The following MYO18B variants were observed in gnomAD, a reference collection of about 807,000 sequenced individuals.
The protein encoded by MYO18B is unconventional myosin-XVIIIb.
In MYO18B, 204 loss-of-function variants were observed where a neutral mutation model predicts 273.0. The observed-to-expected ratio is 0.75, with a 90% CI of 0.67 to 0.84. The LOEUF (loss-of-function observed/expected upper bound fraction) is 0.84. Ranked by LOEUF, MYO18B falls within the 40% of genes least tolerant of loss-of-function variation. The pLI, the probability that MYO18B is intolerant of heterozygous loss-of-function variation, is 0.00. For synonymous variants in MYO18B, 1,330 were observed against 1,305.7 expected (o/e 1.02, Z -0.40); for missense variants, 3,212 against 3,287.6 (o/e 0.98, Z 0.56).
intron 21 of MYO18B, among the ~76,000 whole-genome samples, chr22:25,857,690 G>T (rs981138859): frequency 2.0e-5 from 3 of 152,220 alleles, no homozygotes; most frequent in African/African-American, 7.2e-5. Context: ...GTCTCGCTCT[G>T]TTGCCCAGGC....
intron 42 of MYO18B, among the ~76,000 whole-genome samples, chr22:26,009,145 T>A (rs767300102): frequency 1.3e-5 from 2 of 152,220 alleles, no homozygotes; most frequent in Non-Finnish European, 1.5e-5. Context: ...CCACTTCTGT[T>A]TCATTCAAAG....
chr22:25,781,394 G>A (rs35396609), intron 9 of MYO18B, among the ~76,000 whole-genome samples: 11 of 152,076 alleles, frequency 7.2e-5, no homozygotes, highest in African/African-American at 2.7e-4. Context: ...TGGATCATGA[G>A]GTCAGGAGAT....
intron 39 of MYO18B, among the ~76,000 whole-genome samples, chr22:25,955,617 A>G (rs1000095141): frequency 6.6e-6 from 1 of 152,196 alleles, no homozygotes. Context: ...GTTCATTTAC[A>G]TATCAGATCC....
intron 12 of MYO18B, among the ~76,000 whole-genome samples, chr22:25,817,296 TTCTCTC>T (rs763196966): frequency 3.3e-5 from 5 of 151,642 alleles, no homozygotes; most frequent in African/African-American, 1.2e-4. Flanking sequence ...TTCTGTCTCT[TTCTCTC>T]TCTTTCTTTC....
the MYO18B span, among the ~76,000 whole-genome samples, chr22:26,041,368 A>C: frequency 2.7e-3 from 406 of 150,410 alleles, 17 homozygotes; most frequent in East Asian, 0.069. Flanking sequence ...AAAAAAAAAA[A>C]AAAACAAAAC....
chr22:26,048,666 A>G, the MYO18B span, among the ~76,000 whole-genome samples: 1 of 152,184 alleles, frequency 6.6e-6, no homozygotes, highest in Non-Finnish European at 1.5e-5. Context: ...TTGATGCTCA[A>G]GGAGTATTTG....
rs1245710741 is a variant in MYO18B at position 25,777,438 on chromosome 22, G to A, written c.1870-145G>A. The A allele has an allele frequency of 1.5e-5, 11 of 757,518 alleles. No individual in the cohort carries two copies. In the East Asian group the frequency reaches 1.5e-4, roughly 11 times the overall value. 46.9% of individuals were successfully genotyped at this position (757,518 alleles called of 1,614,324 possible). ...CATACAGGCTTGGCTCCTCCTAGTC[G>A]AGTAGGAAGGGAGTCAGGGATCTGG... is the stretch of plus-strand genomic sequence containing the variant. On this transcript the variant is annotated intron_variant, in intron 7 of 43. Coordinates refer to ENST00000335473, the MANE Select transcript of MYO18B (RefSeq NM_032608.7).
At chr22:26,029,055 G>A (rs1055598291) in intron 43 of MYO18B, among the ~76,000 whole-genome samples, 1 of 152,172 alleles carries the variant, frequency 6.6e-6, no homozygotes, top group African/African-American at 2.4e-5. Flanking sequence ...AAAGTCACTT[G>A]TACAGAATCA....
At chr22:25,818,839 C>T (rs539374075) in intron 12 of MYO18B, among the ~76,000 whole-genome samples, 1 of 152,234 alleles carries the variant, frequency 6.6e-6, no homozygotes, top group South Asian at 2.1e-4. Context: ...ATCTCATCTC[C>T]TTCTTGCAAC....
At chr22:25,980,053 AAG>A (rs1363813695) in intron 39 of MYO18B, among the ~76,000 whole-genome samples, 2 of 152,264 alleles carry the variant, frequency 1.3e-5, no homozygotes, top group Non-Finnish European at 2.9e-5. Flanking sequence ...TGCACTTGAT[AAG>A]AGAGAGAGGA....
intron 40 of MYO18B, among the ~76,000 whole-genome samples, chr22:25,994,157 C>A (rs1187829375): frequency 6.6e-6 from 1 of 152,156 alleles, no homozygotes; most frequent in South Asian, 2.1e-4. Flanking sequence ...AGATGGAGAG[C>A]CACTGGACTC....
chr22:25,965,566 A>G (rs1054617033), intron 39 of MYO18B, among the ~76,000 whole-genome samples: 1 of 152,202 alleles, frequency 6.6e-6, no homozygotes, highest in African/African-American at 2.4e-5. Context: ...ACCTAACTAC[A>G]TGATGTCACC....
At chr22:25,745,472 G>GACACACACACACACACACAC (rs3068433) in intron 1 of MYO18B, among the ~76,000 whole-genome samples, 22 of 146,026 alleles carry the variant, frequency 1.5e-4, no homozygotes, top group African/African-American at 5.3e-4. Context: ...CTCTCTCTCT[G>GACACACACACACACACACAC]ACACACACAC....
chr22:25,846,829 T>A (rs147431883), intron 19 of MYO18B, among the ~76,000 whole-genome samples: 1 of 152,120 alleles, frequency 6.6e-6, no homozygotes, highest in African/African-American at 2.4e-5. Flanking sequence ...CGCCTGTAAT[T>A]CCAGCACTTT....
intron 30 of MYO18B, 101 bp downstream of exon 30, chr22:25,902,837 AC>A (rs977234443): frequency 7.5e-7 from 1 of 1,334,558 alleles, no homozygotes; most frequent in African/African-American, 1.5e-5. Flanking sequence ...AGAAAACTTC[AC>A]AAGGGTATCC....
chr22:25,742,641 C>T (rs965756806), intron 1 of MYO18B, among the ~76,000 whole-genome samples: 1 of 152,168 alleles, frequency 6.6e-6, no homozygotes, highest in Non-Finnish European at 1.5e-5. Flanking sequence ...CCGCAGACGT[C>T]AGGGTTTATA....
At chr22:26,055,435 T>C in the MYO18B span, among the ~76,000 whole-genome samples, 1 of 152,210 alleles carries the variant, frequency 6.6e-6, no homozygotes, top group African/African-American at 2.4e-5. Flanking sequence ...CCGGTGAGAA[T>C]GAGGTTGCTA....
chr22:26,034,329 C>G (rs1936736302), downstream of MYO18B, among the ~76,000 whole-genome samples: 1 of 152,244 alleles, frequency 6.6e-6, no homozygotes, highest in African/African-American at 2.4e-5. Flanking sequence ...GGCCCCTGGC[C>G]TGGGCTTTGC....
chr22:25,773,496 C>T (rs1245522623), intron 7 of MYO18B, among the ~76,000 whole-genome samples: 2 of 152,128 alleles, frequency 1.3e-5, no homozygotes, highest in African/African-American at 4.8e-5. Flanking sequence ...CGGAGTCTCT[C>T]TGTGTCGCCC....
Sources: gnomAD v4.1 joint callset for allele counts (sites outside exome capture counted in the v4.1 genomes callset) on GRCh38, gnomAD v4.1.1 for gene constraint, MANE v1.5 for transcripts, NCBI Gene and HGNC (gene_info 2026-07-23, HGNC 2026-07-21) for gene names.